Variants in PLPPR5 observed in about 807,000 individuals in gnomAD.
PLPPR5 encodes the protein phospholipid phosphatase-related protein type 5.
In PLPPR5, 16 loss-of-function variants were observed where a neutral mutation model predicts 33.9. That is an observed-to-expected ratio of 0.47 (90% confidence interval 0.32 to 0.72). The LOEUF (loss-of-function observed/expected upper bound fraction) is 0.72, where lower values mean the gene tolerates loss of function less well. PLPPR5 is among the 30% of genes least tolerant of loss of function. The pLI is 0.03. For missense variants in PLPPR5, 301 were observed against 406.7 expected, an observed-to-expected ratio of 0.74 and a Z score of 2.23; for synonymous variants, 163 against 150.3, an observed-to-expected ratio of 1.08 and a Z score of -0.62.
intron 1 of PLPPR5, among the ~76,000 whole-genome samples, chr1:98,968,479 G>C (rs1651530513): frequency 6.6e-6 from 1 of 151,952 alleles, no homozygotes; most frequent in South Asian, 2.1e-4. Flanking sequence ...GGAGATTTTA[G>C]AAATAAACCT....
At position 98,953,085 on chromosome 1, in the gene PLPPR5, T is replaced by C. The variant is rs1165502182; in HGVS notation, c.606A>G (p.Ala202=). Residue 202 remains alanine, a synonymous_variant, in exon 3 of 6, where the codon GCA becomes GCG. Transcript: ENST00000263177. The stretch of plus-strand genomic sequence containing the variant: ...CCTTACTTACGGTCAGATACATAGC[T>C]GCATAGACACTGAGAGCTGCTTCTT... ...PSKEAALSVY[A]AMYLTMYITN... is the part of the protein sequence containing the mutation. The C allele has an allele frequency of 1.9e-6, 3 of 1,614,108 alleles. No individual in the cohort carries two copies. In the South Asian group the frequency reaches 3.3e-5, roughly 18 times the overall value.
intron 3 of PLPPR5, among the ~76,000 whole-genome samples, chr1:98,933,045 A>G (rs1168181038): frequency 6.6e-6 from 1 of 152,142 alleles, no homozygotes; most frequent in African/African-American, 2.4e-5. Context: ...CTATAATAAA[A>G]CACATTCACA....
At chr1:98,950,441 T>A (rs1422101496) in intron 3 of PLPPR5, among the ~76,000 whole-genome samples, 2 of 152,194 alleles carry the variant, frequency 1.3e-5, no homozygotes, top group East Asian at 3.8e-4. Context: ...TATAGAACAG[T>A]ATGATTTATA....
At chr1:98,921,459 C>T (rs1405562063) in intron 4 of PLPPR5, among the ~76,000 whole-genome samples, 1 of 152,050 alleles carries the variant, frequency 6.6e-6, no homozygotes, top group Non-Finnish European at 1.5e-5. Context: ...TGCCAACTTC[C>T]CTGAGGAATC....
intron 3 of PLPPR5, among the ~76,000 whole-genome samples, chr1:98,942,606 T>C (rs1046245587): frequency 3.3e-5 from 5 of 152,128 alleles, no homozygotes; most frequent in Admixed American, 6.5e-5. Flanking sequence ...GTGCACTGGA[T>C]GGTAAAAACT....
intron 5 of PLPPR5, 103 bp from the exon 6 acceptor site, chr1:98,893,207 T>A: frequency 9.5e-7 from 1 of 1,057,068 alleles, no homozygotes; most frequent in Non-Finnish European, 1.3e-6. Context: ...ATGCTGAATG[T>A]TGAAGTTGCA....
At chr1:98,894,703 G>A (rs1047289956) in intron 5 of PLPPR5, among the ~76,000 whole-genome samples, 3 of 152,076 alleles carry the variant, frequency 2.0e-5, no homozygotes, top group Non-Finnish European at 2.9e-5. Context: ...TAGGCCTCAG[G>A]GTTCCCATTG....
intron 3 of PLPPR5, among the ~76,000 whole-genome samples, chr1:98,942,830 T>A (rs1296079602): frequency 6.6e-6 from 1 of 152,104 alleles, no homozygotes; most frequent in Non-Finnish European, 1.5e-5. Flanking sequence ...GGCATCAGAG[T>A]GTACTGGTGA....
rs943010348 is a variant in PLPPR5, at chr1:98,941,898, CAGA to C, written c.621+11169_621+11171del. On this transcript the variant is annotated intron_variant, in intron 3 of 5. Transcript: ENST00000263177. ...GAAGGTAACCTTTCTTGTAATACAA[CAGA>C]AGAAGTACCAAGAAATCTCCTCGAT... Among the ~76,000 whole-genome samples, 23 of 151,444 alleles carry C rather than the reference CAGA, an allele frequency of 1.5e-4. 1 individual carries two copies. Among genetic ancestry groups the C allele is most frequent in the East Asian group, 1.9e-4 (1 of 5,176 alleles).
At chr1:98,955,063 ACTTACCTAAAGTG>A (rs1390246328) in intron 2 of PLPPR5, among the ~76,000 whole-genome samples, 1 of 152,098 alleles carries the variant, frequency 6.6e-6, no homozygotes, top group African/African-American at 2.4e-5. Flanking sequence ...GTGTATCTAC[ACTTACCTAAAGTG>A]CTTACCTAAA....
intron 5 of PLPPR5, among the ~76,000 whole-genome samples, chr1:98,899,508 T>TA (rs1320288993): frequency 6.6e-6 from 1 of 152,152 alleles, no homozygotes; most frequent in Non-Finnish European, 1.5e-5. Flanking sequence ...GAGTATTGCT[T>TA]AAAAAATCAG....
At chr1:98,908,705 C>T (rs1272755762) in intron 5 of PLPPR5, among the ~76,000 whole-genome samples, 1 of 152,094 alleles carries the variant, frequency 6.6e-6, no homozygotes, top group African/African-American at 2.4e-5. Flanking sequence ...ATGAAAGGCC[C>T]CAGGGCTAAT....
chr1:98,892,532 T>C lies in PLPPR5; in HGVS notation c.*540A>G, dbSNP rs903777540. 21 of 148,506 alleles carry C rather than the reference T, an allele frequency of 1.4e-4. No individual in the cohort carries two copies. Among genetic ancestry groups the C allele is most frequent in the Middle Eastern group, 3.4e-3 (1 of 292 alleles). 9.2% of individuals were successfully genotyped at this position (148,506 alleles called of 1,614,324 possible). A position where few individuals can be genotyped will look rare whatever the true frequency, so the allele number is the denominator to read the frequency against. On this transcript the variant is annotated 3_prime_UTR_variant, in exon 6 of 6. Transcript: ENST00000263177. ...GGAAACATTATTTTACTATAGAACATACTTTCTAAAAATAAAGTAATTTCA... is the reference window on the plus strand; with the variant it reads ...GGAAACATTATTTTACTATAGAACACACTTTCTAAAAATAAAGTAATTTCA...
intron 3 of PLPPR5, among the ~76,000 whole-genome samples, chr1:98,952,321 A>G (rs887357198): frequency 4.0e-5 from 6 of 151,652 alleles, no homozygotes; most frequent in African/African-American, 1.5e-4. Flanking sequence ...AAAAGCCTAC[A>G]GGGAACGCGT....
chr1:98,969,187 A>G (rs1026300184), intron 1 of PLPPR5, among the ~76,000 whole-genome samples: 14 of 146,474 alleles, frequency 9.6e-5, no homozygotes, highest in African/African-American at 3.5e-4. Flanking sequence ...GAACACGCAA[A>G]AGTAAAAGTC....
intron 1 of PLPPR5, among the ~76,000 whole-genome samples, chr1:98,969,549 T>C (rs1350232638): frequency 6.6e-6 from 1 of 152,044 alleles, no homozygotes; most frequent in Non-Finnish European, 1.5e-5. Flanking sequence ...TTTGGATCTA[T>C]GGCTTAGAAA....
At chr1:98,960,748 G>A (rs1651215371) in intron 1 of PLPPR5, among the ~76,000 whole-genome samples, 2 of 152,158 alleles carry the variant, frequency 1.3e-5, no homozygotes, top group African/African-American at 4.8e-5. Flanking sequence ...GTGTCACTGA[G>A]TCACTGAGAG....
intron 1 of PLPPR5, among the ~76,000 whole-genome samples, chr1:98,966,309 T>C (rs1298081704): frequency 6.6e-6 from 1 of 152,198 alleles, no homozygotes; most frequent in African/African-American, 2.4e-5. Flanking sequence ...GGTATGCAGC[T>C]ATGATTTAAG....
chr1:98,913,266 A>G (rs761288697), intron 5 of PLPPR5, among the ~76,000 whole-genome samples: 1 of 152,182 alleles, frequency 6.6e-6, no homozygotes, highest in Non-Finnish European at 1.5e-5. Context: ...AAAAACATTA[A>G]TTCACTCATT....
Sources: gnomAD v4.1 joint callset for allele counts (sites outside exome capture counted in the v4.1 genomes callset) on GRCh38, gnomAD v4.1.1 for gene constraint, MANE v1.5 for transcripts, NCBI Gene and HGNC (gene_info 2026-07-23, HGNC 2026-07-21) for gene names.